ZIM2: variants seen among roughly 807,000 people sequenced by gnomAD.
ZIM2 encodes zinc finger imprinted 2, also known as zinc finger protein 656.
Under a neutral mutation model 38.6 loss-of-function variants are expected in ZIM2, and 14 were observed. The observed-to-expected ratio is 0.36, with a 90% CI of 0.24 to 0.57. The LOEUF is 0.57. Among genes scored for constraint, ZIM2 ranks in the 20% least tolerant of loss-of-function variants. The pLI, the probability that ZIM2 is intolerant of heterozygous loss-of-function variation, is 0.81. For missense variants in ZIM2, 680 were observed against 695.1 expected, an observed-to-expected ratio of 0.98 and a Z score of 0.24; for synonymous variants, 247 against 245.8, an observed-to-expected ratio of 1.00 and a Z score of -0.04.
At chr19:56,793,475 C>G (rs2047042996) in intron 9 of ZIM2, among the ~76,000 whole-genome samples, 1 of 152,084 alleles carries the variant, frequency 6.6e-6, no homozygotes, top group African/African-American at 2.4e-5. Flanking sequence ...GATACAGAAA[C>G]CTCAGGACCT....
intron 9 of ZIM2, among the ~76,000 whole-genome samples, chr19:56,796,677 T>G (rs1017670484): frequency 7.9e-5 from 12 of 151,374 alleles, no homozygotes; most frequent in African/African-American, 2.9e-4. Context: ...CAGTGGGGGG[T>G]GGGGAGGCTG....
intron 1 of ZIM2, among the ~76,000 whole-genome samples, chr19:56,838,126 T>G (rs3795005): frequency 0.18 from 27,945 of 152,124 alleles, 3,239 homozygotes; most frequent in Non-Finnish European, 0.25. Context: ...GGCGGGGCCA[T>G]GCAGACCCCG....
At chr19:56,815,261 C>T (rs765581663) in intron 9 of ZIM2, 64 of 1,614,102 alleles carry the variant, frequency 4.0e-5, no homozygotes, top group South Asian at 2.2e-4. Flanking sequence ...TGAGACTCCT[C>T]GCCATGAGAC....
intron 9 of ZIM2, chr19:56,815,658 AT>A: frequency 6.2e-7 from 1 of 1,614,124 alleles, no homozygotes; most frequent in South Asian, 1.1e-5. Flanking sequence ...ATTCACGGAC[AT>A]TTGAGCTGGG....
intron 4 of ZIM2, among the ~76,000 whole-genome samples, chr19:56,823,924 C>A (rs1041141102): frequency 6.6e-6 from 1 of 152,148 alleles, no homozygotes; most frequent in Non-Finnish European, 1.5e-5. Flanking sequence ...AGCCAGAAGG[C>A]AACCTCCTAG....
intron 9 of ZIM2, among the ~76,000 whole-genome samples, chr19:56,802,744 T>C (rs1232819919): frequency 6.6e-6 from 1 of 152,208 alleles, no homozygotes. Context: ...TTTACTGTGT[T>C]GACCCAGGTG....
chr19:56,823,790 C>G, intron 4 of ZIM2, 111 bp from the exon 5 acceptor site: 1 of 1,266,384 alleles, frequency 7.9e-7, no homozygotes, highest in Admixed American at 1.8e-5. Context: ...GTTGGAATGA[C>G]CTGATCCTGA....
intron 9 of ZIM2, chr19:56,816,558 T>A: frequency 1.9e-6 from 3 of 1,614,066 alleles, no homozygotes; most frequent in Non-Finnish European, 2.5e-6. Flanking sequence ...ACACCTTACA[T>A]TCGTACATTT....
chr19:56,788,578 AT>A lies in ZIM2; in HGVS notation c.570+1293del, dbSNP rs754160276. On this transcript the variant is annotated intron_variant, in intron 10 of 12. Transcript: ENST00000629319. Reference sequence around the variant, plus strand: ...ACCTTTCTCTCTGACTGCACTTAACATTTTTTCCTTCATTTTAACCTTGGTG... The same window carrying A: ...ACCTTTCTCTCTGACTGCACTTAACATTTTTCCTTCATTTTAACCTTGGTG... 2.6e-5 allele frequency among the ~76,000 whole-genome samples: 4 copies of A among 152,010 alleles called. No homozygotes were observed. The East Asian group carries it at 5.8e-4, about 22-fold the overall frequency.
intron 10 of ZIM2, among the ~76,000 whole-genome samples, chr19:56,784,991 C>A (rs2046520422): frequency 6.6e-6 from 1 of 152,060 alleles, no homozygotes; most frequent in Admixed American, 6.6e-5. Flanking sequence ...TGCCCAGCTC[C>A]TTCAGATGGG....
chr19:56,781,006 C>G (rs2046305581), intron 11 of ZIM2, among the ~76,000 whole-genome samples: 1 of 152,202 alleles, frequency 6.6e-6, no homozygotes, highest in African/African-American at 2.4e-5. Context: ...GATAGAAATG[C>G]TCCAGGTCAC....
intron 9 of ZIM2, 59 bp from the exon 10 acceptor site, chr19:56,790,010 C>G: frequency 7.3e-7 from 1 of 1,369,980 alleles, no homozygotes; most frequent in Non-Finnish European, 9.7e-7. Flanking sequence ...CTGACAGACA[C>G]AGTGGCCAGC....
chr19:56,836,165 G>T (rs192051237), intron 1 of ZIM2, 61 bp from the exon 2 acceptor site: 4 of 434,004 alleles, frequency 9.2e-6, no homozygotes, highest in South Asian at 1.6e-5. Flanking sequence ...GGTTCCTCAG[G>T]GGGGAACAAT....
At chr19:56,812,271 T>G in intron 9 of ZIM2, 2 of 979,848 alleles carry the variant, frequency 2.0e-6, no homozygotes, top group Non-Finnish European at 2.4e-6. Flanking sequence ...TGAGGTCAAT[T>G]TGTAATTAAA....
chr19:56,817,880 G>T (rs763391242), intron 8 of ZIM2, 42 bp from the exon 9 acceptor site: 10 of 1,474,484 alleles, frequency 6.8e-6, no homozygotes, highest in South Asian at 1.2e-5. Flanking sequence ...TCAAGTTGAG[G>T]ACCAAGACTC....
intron 9 of ZIM2, among the ~76,000 whole-genome samples, chr19:56,807,754 G>A (rs2146031502): frequency 6.6e-6 from 1 of 151,708 alleles, no homozygotes; most frequent in Admixed American, 6.6e-5. Flanking sequence ...TTGTGCCACT[G>A]CACTTCAGGC....
In ZIM2 at chr19:56,818,662, T is replaced by A. The variant is rs968104069; in HGVS notation, c.335A>T (p.Asp112Val). Residue 112 changes from aspartate (D) to valine (V), a missense_variant, in exon 8 of 13, where the codon GAC (aspartate) becomes GTC (valine). Transcript: ENST00000629319. ...CTGGATTGTGTTGTGAGGTTTCCTG[T>A]CCTCAGCGAGGTCCACCACATTTTG... ...SYQNVVDLAE[D>V]RKPHNTIQDN... 2 of 1,614,032 alleles carry A rather than the reference T, an allele frequency of 1.2e-6. No homozygotes were observed. The highest frequency in any genetic ancestry group is 2.7e-5 in the African/African-American group (2 of 74,918).
At chr19:56,836,572 A>G (rs1048098109) in intron 1 of ZIM2, among the ~76,000 whole-genome samples, 13 of 152,222 alleles carry the variant, frequency 8.5e-5, no homozygotes, top group African/African-American at 3.1e-4. Flanking sequence ...TATGTGTTCA[A>G]TCAATTAGAG....
intron 9 of ZIM2, chr19:56,815,128 T>C: frequency 6.2e-7 from 1 of 1,613,904 alleles, no homozygotes; most frequent in Non-Finnish European, 8.5e-7. Context: ...TTCATAGATT[T>C]TGTCATCAGG....
Sources: allele counts gnomAD v4.1 joint callset (sites outside exome capture counted in the v4.1 genomes callset), GRCh38; gene constraint gnomAD v4.1.1; transcripts MANE v1.5; gene names NCBI Gene and HGNC (gene_info 2026-07-23, HGNC 2026-07-21).